PDS5B: variants seen among roughly 807,000 people sequenced by gnomAD.
PDS5B encodes PDS5 cohesin associated factor B, also known as sister chromatid cohesion protein PDS5 homolog B.
A neutral mutation model predicts 184.1 loss-of-function variants in PDS5B; 51 were observed. The observed-to-expected ratio is 0.28, with a 90% CI of 0.22 to 0.35. The LOEUF (loss-of-function observed/expected upper bound fraction) is 0.35. Ranked by LOEUF, PDS5B falls within the 10% of genes least tolerant of loss-of-function variation. The pLI is 1.00. For missense variants in PDS5B, 1,180 were observed against 1,723.3 expected, an observed-to-expected ratio of 0.68 and a Z score of 5.58; for synonymous variants, 566 against 569.2, an observed-to-expected ratio of 0.99 and a Z score of 0.08.
chr13:32,635,952 G>A (rs1052679229), intron 1 of PDS5B, among the ~76,000 whole-genome samples: 2 of 151,586 alleles, frequency 1.3e-5, no homozygotes, highest in African/African-American at 4.8e-5. Context: ...TGTATTTTTA[G>A]TAGAGACGGG....
intron 1 of PDS5B, among the ~76,000 whole-genome samples, chr13:32,606,668 A>G (rs902458612): frequency 1.3e-5 from 2 of 152,300 alleles, no homozygotes; most frequent in African/African-American, 4.8e-5. Flanking sequence ...GTGTTTTCCA[A>G]CTTGGTTCCA....
At chr13:32,688,410 A>G (rs1169638072) in intron 12 of PDS5B, 46 bp from the exon 13 acceptor site, 1 of 928,248 alleles carries the variant, frequency 1.1e-6, no homozygotes, top group African/African-American at 1.7e-5. Flanking sequence ...ACAACTTTAG[A>G]ACATTAGAAA....
chr13:32,623,312 GT>G (rs1375046437), intron 1 of PDS5B, among the ~76,000 whole-genome samples: 1 of 152,166 alleles, frequency 6.6e-6, no homozygotes, highest in Non-Finnish European at 1.5e-5. Flanking sequence ...TGATCAGCAA[GT>G]AATTATAAAA....
At chr13:32,683,811 ATCATGCAGTG>A in intron 10 of PDS5B, 57 bp from the exon 11 acceptor site, 1 of 1,038,262 alleles carries the variant, frequency 9.6e-7, no homozygotes, top group Non-Finnish European at 1.5e-6. Context: ...TTTCAAGGGT[ATCATGCAGTG>A]TTTTAAAAAT....
chr13:32,642,123 A>G (rs925600030), intron 1 of PDS5B, among the ~76,000 whole-genome samples: 2 of 152,212 alleles, frequency 1.3e-5, no homozygotes, highest in African/African-American at 4.8e-5. Context: ...CATTGCCTAC[A>G]GTCAGTTCCT....
chr13:32,594,950 G>A (rs1344039674), intron 1 of PDS5B, among the ~76,000 whole-genome samples: 2 of 152,044 alleles, frequency 1.3e-5, no homozygotes, highest in African/African-American at 2.4e-5. Flanking sequence ...TACAGAATAA[G>A]TAATTCCTAG....
At chr13:32,723,631 A>C (rs1952795674) in intron 19 of PDS5B, among the ~76,000 whole-genome samples, 1 of 152,196 alleles carries the variant, frequency 6.6e-6, no homozygotes, top group East Asian at 1.9e-4. Flanking sequence ...GTTTCACATA[A>C]CTATCTTTAA....
chr13:32,741,764 C>T (rs901614210), intron 22 of PDS5B, among the ~76,000 whole-genome samples: 7 of 147,444 alleles, frequency 4.7e-5, no homozygotes, highest in African/African-American at 1.3e-4. Context: ...GTTCGTATTA[C>T]GAACTACCTT....
intron 3 of PDS5B, among the ~76,000 whole-genome samples, chr13:32,654,228 A>G (rs1239270032): frequency 2.6e-5 from 4 of 152,180 alleles, no homozygotes; most frequent in South Asian, 2.1e-4. Flanking sequence ...GCAAATTCGT[A>G]TATCTGTATG....
intron 5 of PDS5B, among the ~76,000 whole-genome samples, chr13:32,658,762 A>G (rs1420297709): frequency 6.6e-6 from 1 of 152,172 alleles, no homozygotes; most frequent in Non-Finnish European, 1.5e-5. Flanking sequence ...TTTGGATTGC[A>G]TTATTTGTCT....
chr13:32,638,690 G>C (rs1043198637), intron 1 of PDS5B, among the ~76,000 whole-genome samples: 1 of 151,974 alleles, frequency 6.6e-6, no homozygotes, highest in South Asian at 2.1e-4. Flanking sequence ...ATGCTGATAC[G>C]GGGGAAAGAG....
At chr13:32,764,973 C>T (rs977389540) in intron 31 of PDS5B, among the ~76,000 whole-genome samples, 1 of 152,150 alleles carries the variant, frequency 6.6e-6, no homozygotes, top group African/African-American at 2.4e-5. Flanking sequence ...CTTAAAACTT[C>T]TTTCATTTAA....
chr13:32,639,854 G>A (rs954527686), intron 1 of PDS5B, among the ~76,000 whole-genome samples: 6 of 152,164 alleles, frequency 3.9e-5, no homozygotes, highest in African/African-American at 1.4e-4. Context: ...AATTAACATG[G>A]CCCAGTATGG....
rs532052707 is a variant in PDS5B, at chr13:32,753,388, C to T, written c.2793C>T (p.Ser931=). ...VFAQKLHKGL[S]RLRLPLEYMA... ...CCCAGAAACTTCACAAAGGCCTTTC[C>T]CGTTTACGGCTTCCACTTGAGTATA... Residue 931 remains serine, a synonymous_variant, in exon 25 of 35, where the codon TCC becomes TCT. Transcript: ENST00000315596. The T allele has an allele frequency of 3.7e-6, 6 of 1,613,802 alleles. No individual in the cohort carries two copies. The African/African-American group carries it at 6.7e-5, about 18-fold the overall frequency.
Position 32,770,247 on chromosome 13 carries a change from A to G in PDS5B, c.3751A>G (p.Lys1251Glu). Residue 1251 changes from lysine to glutamate, a missense_variant, in exon 32 of 35, where the codon AAA becomes GAA. Coordinates refer to ENST00000315596, the MANE Select transcript of PDS5B (RefSeq NM_015032.4). ...QKPKGSQRSR[K>E]RGHTASESDE... ...ACCTAAAGGCAGTCAGCGAAGTCGG[A>G]AAAGAGGCCATACGGCTTCAGAATC... is the stretch of plus-strand genomic sequence containing the variant. The G allele has an allele frequency of 6.2e-7, 1 of 1,614,092 alleles. No homozygotes were observed. The highest frequency in any genetic ancestry group is 8.5e-7 in the Non-Finnish European group (1 of 1,180,008).
intron 7 of PDS5B, among the ~76,000 whole-genome samples, chr13:32,669,571 C>T (rs1035954332): frequency 1.3e-5 from 2 of 152,078 alleles, no homozygotes; most frequent in Non-Finnish European, 2.9e-5. Flanking sequence ...TTTTAACAAT[C>T]CCAGAATACA....
intron 18 of PDS5B, among the ~76,000 whole-genome samples, chr13:32,708,569 T>C (rs1030807108): frequency 6.6e-6 from 1 of 152,182 alleles, no homozygotes; most frequent in African/African-American, 2.4e-5. Flanking sequence ...TTTACCGATA[T>C]ATAATCCCAT....
chr13:32,715,613 C>G (rs9652200), intron 19 of PDS5B, among the ~76,000 whole-genome samples: 58,212 of 151,930 alleles, frequency 0.38, 11,617 homozygotes, highest in Non-Finnish European at 0.44. Flanking sequence ...GCTAATAAAA[C>G]CACCAGTGTA....
chr13:32,600,873 C>G (rs565489915), intron 1 of PDS5B, among the ~76,000 whole-genome samples: 1 of 152,322 alleles, frequency 6.6e-6, no homozygotes, highest in African/African-American at 2.4e-5. Context: ...TTGTTGTTTT[C>G]TTCTGGGATC....
Sources: gnomAD v4.1 joint callset for allele counts (sites outside exome capture counted in the v4.1 genomes callset) on GRCh38, gnomAD v4.1.1 for gene constraint, MANE v1.5 for transcripts, NCBI Gene and HGNC (gene_info 2026-07-23, HGNC 2026-07-21) for gene names.